FLRT2: variants seen among roughly 807,000 people sequenced by gnomAD.
The protein encoded by FLRT2 is leucine-rich repeat transmembrane protein FLRT2.
Under a neutral mutation model 40.0 loss-of-function variants are expected in FLRT2, and 15 were observed. The observed-to-expected ratio is 0.38, with a 90% CI of 0.25 to 0.58. The LOEUF (loss-of-function observed/expected upper bound fraction) is 0.58, where lower values mean the gene tolerates loss of function less well. Ranked by LOEUF, FLRT2 falls within the 20% of genes least tolerant of loss-of-function variation. The pLI is 0.71. For synonymous variants in FLRT2, 380 were observed against 336.8 expected, an observed-to-expected ratio of 1.13 and a Z score of -1.41; for missense variants, 726 against 840.0, an observed-to-expected ratio of 0.86 and a Z score of 1.68.
rs1888205272 is a variant in FLRT2, at chr14:85,530,532, C to A, written c.-379C>A. ...CATTGCAAGGAGAAGACGCAGCCGT[C>A]AGGTAAAAGGGGCTGCGTTGCCAGG... On this transcript the variant is annotated splice_region_variant and 5_prime_UTR_variant, in exon 1 of 2. Coordinates refer to ENST00000330753, the MANE Select transcript of FLRT2 (RefSeq NM_013231.6). 6.5e-6 allele frequency: 1 copy of A among 152,768 alleles called. No homozygotes were observed. Among genetic ancestry groups the A allele is most frequent in the Non-Finnish European group, 1.5e-5 (1 of 68,052 alleles). 9.5% of individuals were successfully genotyped at this position (152,768 alleles called of 1,614,324 possible).
At chr14:85,581,986 A>G (rs1891407173) in intron 1 of FLRT2, among the ~76,000 whole-genome samples, 2 of 152,210 alleles carry the variant, frequency 1.3e-5, no homozygotes, top group African/African-American at 4.8e-5. Flanking sequence ...GTCTGTAAAC[A>G]TGAATGCAGT....
In FLRT2 at chr14:85,626,975, C is replaced by T. The variant is rs1352478431; in HGVS notation, c.*3478C>T. On this transcript the variant is annotated 3_prime_UTR_variant, in exon 2 of 2. Coordinates refer to ENST00000330753, the MANE Select transcript of FLRT2 (RefSeq NM_013231.6). Reference sequence around the variant, plus strand: ...CATCTTCATGCTGTGATTGAAGCATCCATTCAGAACACGAGGCAATATTGC... The same window carrying T: ...CATCTTCATGCTGTGATTGAAGCATTCATTCAGAACACGAGGCAATATTGC... 1.2e-5 allele frequency: 2 copies of T among 166,996 alleles called. No homozygotes were observed. The highest frequency in any genetic ancestry group is 3.9e-4 in the East Asian group (2 of 5,188). The allele number at this position is 166,996 out of a possible 1,614,324, so 10.3% of individuals were successfully genotyped here.
At position 85,637,274 on chromosome 14, in the gene FLRT2, TA is replaced by T. The variant is rs1894033002; in HGVS notation, c.*13781del. ...TATTAGAAAGTTAAACTGCAGTAATTAAAAGTCATATAAGAATCACCATGGC... is the reference window on the plus strand; with the variant it reads ...TATTAGAAAGTTAAACTGCAGTAATTAAAGTCATATAAGAATCACCATGGC... On this transcript the variant is annotated 3_prime_UTR_variant, in exon 2 of 2. Coordinates refer to ENST00000330753, the MANE Select transcript of FLRT2 (RefSeq NM_013231.6). 6.6e-6 allele frequency: 1 copy of T among 152,132 alleles called. No homozygotes were observed. The highest frequency in any genetic ancestry group is 1.5e-5 in the Non-Finnish European group (1 of 68,028). 9.4% of individuals were successfully genotyped at this position (152,132 alleles called of 1,614,324 possible).
rs1426919342 is a variant in FLRT2, at chr14:85,630,916, A to C, written c.*7419A>C. 1.3e-5 allele frequency: 2 copies of C among 151,774 alleles called. No individual in the cohort carries two copies. The highest frequency in any genetic ancestry group is 3.9e-4 in the East Asian group (2 of 5,148). 9.4% of individuals were successfully genotyped at this position (151,774 alleles called of 1,614,324 possible). A position where few individuals can be genotyped will look rare whatever the true frequency, so the allele number is the denominator to read the frequency against. On this transcript the variant is annotated 3_prime_UTR_variant, in exon 2 of 2. Coordinates refer to ENST00000330753, the MANE Select transcript of FLRT2 (RefSeq NM_013231.6). The stretch of plus-strand genomic sequence containing the variant: ...GAAGGACAAAGGGTAATCATAATCT[A>C]TAAGGAATGCCTGAGTACGATACTG...
At chr14:85,550,635 G>A (rs1299635079) in intron 1 of FLRT2, among the ~76,000 whole-genome samples, 1 of 152,156 alleles carries the variant, frequency 6.6e-6, no homozygotes, top group Non-Finnish European at 1.5e-5. Context: ...TTCTTGGAGA[G>A]AAGTTAGGGT....
chr14:85,623,651 A>G lies in FLRT2; in HGVS notation c.*154A>G, dbSNP rs143340548. The G allele has an allele frequency of 1.2e-4, 68 of 547,682 alleles. No individual in the cohort carries two copies. The highest frequency in any genetic ancestry group is 1.8e-4 in the Non-Finnish European group (61 of 334,740). The allele number at this position is 547,682 out of a possible 1,614,324, so 33.9% of individuals were successfully genotyped here. A position where few individuals can be genotyped will look rare whatever the true frequency, so the allele number is the denominator to read the frequency against. On this transcript the variant is annotated 3_prime_UTR_variant, in exon 2 of 2. Transcript: ENST00000330753. Reference sequence around the variant, plus strand: ...TGTAATTTATACGGTGTACTATATAATGGGATTTAAAAAAAGTGCTATCTT... The same window carrying G: ...TGTAATTTATACGGTGTACTATATAGTGGGATTTAAAAAAAGTGCTATCTT...
Position 85,623,556 on chromosome 14 carries a change from T to C in FLRT2, c.*59T>C, listed in dbSNP as rs1893530613. 2.3e-6 allele frequency: 3 copies of C among 1,319,710 alleles called. No homozygotes were observed. The highest frequency in any genetic ancestry group is 5.1e-5 in the South Asian group (2 of 39,460). 81.8% of individuals were successfully genotyped at this position (1,319,710 alleles called of 1,614,324 possible). On this transcript the variant is annotated 3_prime_UTR_variant, in exon 2 of 2. Coordinates refer to ENST00000330753, the MANE Select transcript of FLRT2 (RefSeq NM_013231.6). ...TTAGACTCTTGAGAACACACTCGTG[T>C]GTGCACATAAAGACACGCAGATTAC...
chr14:85,623,118 A>C lies in FLRT2; in HGVS notation c.1604A>C (p.His535Pro). ...TCCAGCCATGAGCAGACGACGTCCC[A>C]CAGCATGGGCTCCCCCTTTCTGCTG... ...TASSHEQTTS[H>P]SMGSPFLLAG... Residue 535 changes from histidine to proline, a missense_variant, in exon 2 of 2, where the codon CAC becomes CCC. Transcript: ENST00000330753. 1 of 1,610,968 alleles carries C rather than the reference A, an allele frequency of 6.2e-7. No individual in the cohort carries two copies. The highest frequency in any genetic ancestry group is 8.5e-7 in the Non-Finnish European group (1 of 1,177,976).
At chr14:85,611,751 A>G (rs970655570) in intron 1 of FLRT2, among the ~76,000 whole-genome samples, 5 of 152,164 alleles carry the variant, frequency 3.3e-5, no homozygotes, top group Admixed American at 6.5e-5. Flanking sequence ...CTTCTTTATC[A>G]TCACAGATTT....
At chr14:85,531,018 A>C (rs1269360637) in intron 1 of FLRT2, 1 of 152,220 alleles carries the variant, frequency 6.6e-6, no homozygotes, top group Non-Finnish European at 1.5e-5. Context: ...GGGATCTATT[A>C]GCAGTTAAAC....
At chr14:85,609,662 A>G (rs1366583294) in intron 1 of FLRT2, among the ~76,000 whole-genome samples, 1 of 152,222 alleles carries the variant, frequency 6.6e-6, no homozygotes, top group Non-Finnish European at 1.5e-5. Flanking sequence ...AGGAAGAACC[A>G]GAGCATGAGT....
rs373540228 is a variant in FLRT2 at position 85,628,154 on chromosome 14, C to T, written c.*4657C>T. 5 of 152,210 alleles carry T rather than the reference C, an allele frequency of 3.3e-5. No homozygotes were observed. The South Asian group carries it at 8.3e-4, about 25-fold the overall frequency. 9.4% of individuals were successfully genotyped at this position (152,210 alleles called of 1,614,324 possible). Reference sequence around the variant, plus strand: ...TTCCCAACTAAATTGTGTGTTCCTACGAATACCTTTTAGGTATGCACACAT... The same window carrying T: ...TTCCCAACTAAATTGTGTGTTCCTATGAATACCTTTTAGGTATGCACACAT... On this transcript the variant is annotated 3_prime_UTR_variant, in exon 2 of 2. Transcript: ENST00000330753.
chr14:85,610,822 C>T (rs1215535613), intron 1 of FLRT2, among the ~76,000 whole-genome samples: 1 of 152,208 alleles, frequency 6.6e-6, no homozygotes, highest in East Asian at 1.9e-4. Flanking sequence ...TTATCATCGT[C>T]TATGACACTT....
chr14:85,562,505 T>C (rs1357090683), intron 1 of FLRT2: 1 of 152,134 alleles, frequency 6.6e-6, no homozygotes, highest in East Asian at 1.9e-4. Flanking sequence ...TACCAACTCA[T>C]GAACTCATTC....
intron 1 of FLRT2, among the ~76,000 whole-genome samples, chr14:85,591,084 T>C (rs1374053750): frequency 6.6e-6 from 1 of 152,198 alleles, no homozygotes; most frequent in East Asian, 1.9e-4. Context: ...CTTTTGACTT[T>C]GGAGGGTAGC....
chr14:85,594,761 C>T (rs546234412), intron 1 of FLRT2, among the ~76,000 whole-genome samples: 1 of 152,216 alleles, frequency 6.6e-6, no homozygotes, highest in East Asian at 1.9e-4. Flanking sequence ...GTTAGGAACA[C>T]GGACCCTCTG....
At chr14:85,539,941 T>A (rs1297290686) in intron 1 of FLRT2, among the ~76,000 whole-genome samples, 1 of 152,208 alleles carries the variant, frequency 6.6e-6, no homozygotes, top group Non-Finnish European at 1.5e-5. Context: ...TAATGGATTA[T>A]CTCCTTTTCT....
chr14:85,531,923 C>A (rs758874106), intron 1 of FLRT2, among the ~76,000 whole-genome samples: 1 of 152,188 alleles, frequency 6.6e-6, no homozygotes, highest in Non-Finnish European at 1.5e-5. Flanking sequence ...CGCGGGCGTG[C>A]GTCTGGGTGG....
At chr14:85,557,816 CAATAAATA>C (rs370034000) in intron 1 of FLRT2, among the ~76,000 whole-genome samples, 6 of 151,630 alleles carry the variant, frequency 4.0e-5, no homozygotes, top group East Asian at 1.9e-4. Context: ...AACTCCATTT[CAATAAATA>C]AATAAATTAA....
Sources: allele counts gnomAD v4.1 joint callset (sites outside exome capture counted in the v4.1 genomes callset), GRCh38; gene constraint gnomAD v4.1.1; transcripts MANE v1.5; gene names NCBI Gene and HGNC (gene_info 2026-07-23, HGNC 2026-07-21).